The following AUTS2 variants were observed in gnomAD, a reference collection of about 807,000 sequenced individuals.
The protein encoded by AUTS2 is activator of transcription and developmental regulator AUTS2, also known as autism susceptibility gene 2 protein.
AUTS2 carries 17 observed loss-of-function variants against 112.4 expected under a neutral mutation model. The ratio of observed to expected loss-of-function variants is 0.15; its 90% confidence interval spans 0.10 to 0.23. The LOEUF (loss-of-function observed/expected upper bound fraction) is 0.23. Ranked by LOEUF, AUTS2 falls within the 10% of genes least tolerant of loss-of-function variation. The pLI, the probability that AUTS2 is intolerant of heterozygous loss-of-function variation, is 1.00. For missense variants in AUTS2, 1,510 were observed against 1,701.6 expected, an observed-to-expected ratio of 0.89 and a Z score of 1.98; for synonymous variants, 751 against 702.7, an observed-to-expected ratio of 1.07 and a Z score of -1.09.
chr7:70,743,031 T>C (rs1455791741), intron 6 of AUTS2, among the ~76,000 whole-genome samples: 2 of 152,218 alleles, frequency 1.3e-5, no homozygotes, highest in African/African-American at 2.4e-5. Context: ...TGCAAAATTG[T>C]ATCATAGAAG....
At chr7:70,348,083 G>A (rs921117958) in intron 4 of AUTS2, among the ~76,000 whole-genome samples, 2 of 152,158 alleles carry the variant, frequency 1.3e-5, no homozygotes, top group African/African-American at 4.8e-5. Context: ...GAAAGCCTTG[G>A]AGGATTTCAG....
chr7:69,772,473 C>T (rs114808863), intron 1 of AUTS2, among the ~76,000 whole-genome samples: 77 of 152,324 alleles, frequency 5.1e-4, no homozygotes, highest in African/African-American at 1.8e-3. Context: ...TAGGGTCTCG[C>T]TGTATTGCCC....
At chr7:69,725,814 A>G (rs1786481468) in intron 1 of AUTS2, among the ~76,000 whole-genome samples, 1 of 152,170 alleles carries the variant, frequency 6.6e-6, no homozygotes, top group African/African-American at 2.4e-5. Context: ...AAGTTCCAGG[A>G]TACAATCAGT....
At chr7:69,732,339 G>T (rs1417013729) in intron 1 of AUTS2, among the ~76,000 whole-genome samples, 1 of 152,044 alleles carries the variant, frequency 6.6e-6, no homozygotes, top group Non-Finnish European at 1.5e-5. Context: ...CAGGTTCAAT[G>T]ATTTAACCCT....
Position 70,383,632 on chromosome 7 carries a change from C to A in AUTS2, c.661-52120C>A, listed in dbSNP as rs181150260. 6.3e-4 allele frequency among the ~76,000 whole-genome samples: 96 copies of A among 152,302 alleles called. 1 individual carries two copies. The highest frequency in any genetic ancestry group is 1.4e-3 in the Admixed American group (21 of 15,304). On this transcript the variant is annotated intron_variant, in intron 4 of 18. Coordinates refer to ENST00000342771, the MANE Select transcript of AUTS2 (RefSeq NM_015570.4). ...CACTAATTAGCCAGAGCATTCCCAG[C>A]CAAAAATCCCAGTGCCTGTCCTTGA...
chr7:69,744,017 G>A (rs1055040480), intron 1 of AUTS2, among the ~76,000 whole-genome samples: 2 of 152,016 alleles, frequency 1.3e-5, no homozygotes, highest in Non-Finnish European at 2.9e-5. Context: ...TCTCAGGCTG[G>A]TTTTGAACTC....
intron 4 of AUTS2, among the ~76,000 whole-genome samples, chr7:70,330,185 T>A (rs970367126): frequency 1.3e-5 from 2 of 152,242 alleles, no homozygotes; most frequent in Non-Finnish European, 2.9e-5. Flanking sequence ...ATATCACATC[T>A]AGGAATTTAT....
At chr7:70,258,624 A>G (rs998317969) in intron 4 of AUTS2, among the ~76,000 whole-genome samples, 1 of 152,178 alleles carries the variant, frequency 6.6e-6, no homozygotes, top group Non-Finnish European at 1.5e-5. Flanking sequence ...CTATCTTACT[A>G]CCCTGAGAGA....
intron 5 of AUTS2, among the ~76,000 whole-genome samples, chr7:70,603,468 C>T (rs1420471123): frequency 1.3e-5 from 2 of 152,218 alleles, no homozygotes; most frequent in Non-Finnish European, 2.9e-5. Flanking sequence ...CATGCCCCGT[C>T]GCTGGGGTCT....
intron 3 of AUTS2, among the ~76,000 whole-genome samples, chr7:70,128,519 G>A (rs1806097842): frequency 6.6e-6 from 1 of 152,166 alleles, no homozygotes; most frequent in African/African-American, 2.4e-5. Flanking sequence ...AAGGTAGACA[G>A]GTGAAGGTCT....
At chr7:70,535,034 T>TAA (rs11350780) in intron 5 of AUTS2, among the ~76,000 whole-genome samples, 10 of 134,624 alleles carry the variant, frequency 7.4e-5, no homozygotes, top group East Asian at 2.4e-4. Flanking sequence ...ATCTATTTCA[T>TAA]AAAAAAAAAA....
intron 5 of AUTS2, among the ~76,000 whole-genome samples, chr7:70,497,014 GA>G (rs1798570750): frequency 8.9e-5 from 3 of 33,738 alleles, no homozygotes; most frequent in Admixed American, 3.2e-4. Flanking sequence ...TACACAGTCA[GA>G]CACACACACA....
intron 5 of AUTS2, among the ~76,000 whole-genome samples, chr7:70,503,068 C>A (rs1036432042): frequency 6.6e-6 from 1 of 152,080 alleles, no homozygotes; most frequent in African/African-American, 2.4e-5. Context: ...AGGAAAGGAG[C>A]ACTTCTCCAG....
chr7:70,483,023 T>A (rs1245495359), intron 5 of AUTS2, among the ~76,000 whole-genome samples: 2 of 152,204 alleles, frequency 1.3e-5, no homozygotes, highest in African/African-American at 4.8e-5. Flanking sequence ...GAAATCTGCA[T>A]GGCCCCTTCT....
At chr7:70,594,564 ACT>A (rs1392297397) in intron 5 of AUTS2, among the ~76,000 whole-genome samples, 1 of 152,000 alleles carries the variant, frequency 6.6e-6, no homozygotes, top group Non-Finnish European at 1.5e-5. Flanking sequence ...GCCCTTCTAG[ACT>A]CTGTGTATTC....
rs147470757 is a variant in AUTS2 at position 70,321,366 on chromosome 7, T to C, written c.661-114386T>C. ...AATAGCTTTGCGTTAGGTCTCTTTT[T>C]CCCTGAACATTTCTTTTCTCTGTTT... is the stretch of plus-strand genomic sequence containing the variant. On this transcript the variant is annotated intron_variant, in intron 4 of 18. Coordinates refer to ENST00000342771, the MANE Select transcript of AUTS2 (RefSeq NM_015570.4). Among the ~76,000 whole-genome samples, 338 of 152,338 alleles carry C rather than the reference T, an allele frequency of 2.2e-3. 1 individual carries two copies. Among genetic ancestry groups the C allele is most frequent in the African/African-American group, 7.8e-3 (323 of 41,588 alleles).
intron 2 of AUTS2, among the ~76,000 whole-genome samples, chr7:69,911,833 C>T (rs1273855780): frequency 6.6e-6 from 1 of 152,164 alleles, no homozygotes; most frequent in East Asian, 1.9e-4. Flanking sequence ...ATGAAGTCTT[C>T]ACTCTGGGCG....
intron 1 of AUTS2, among the ~76,000 whole-genome samples, chr7:69,782,930 G>A (rs1025943481): frequency 1.3e-5 from 2 of 152,040 alleles, no homozygotes; most frequent in Non-Finnish European, 2.9e-5. Context: ...GATTTGTTGT[G>A]TATTGACATT....
At chr7:70,073,530 T>A (rs970352121) in intron 2 of AUTS2, among the ~76,000 whole-genome samples, 134 of 142,498 alleles carry the variant, frequency 9.4e-4, no homozygotes, top group Admixed American at 2.4e-3. Context: ...AAAAAAAAAA[T>A]GGGATGGGTC....
Sources: gnomAD v4.1 joint callset for allele counts (sites outside exome capture counted in the v4.1 genomes callset) on GRCh38, gnomAD v4.1.1 for gene constraint, MANE v1.5 for transcripts, NCBI Gene and HGNC (gene_info 2026-07-23, HGNC 2026-07-21) for gene names.